Variants in PRDM6 observed in about 807,000 individuals in gnomAD.
The protein encoded by PRDM6 is PR/SET domain 6, also known as putative histone-lysine N-methyltransferase PRDM6.
Under a neutral mutation model 60.8 loss-of-function variants are expected in PRDM6, and 25 were observed. The observed-to-expected ratio is 0.41, with a 90% confidence interval of 0.30 to 0.57. PRDM6 has a LOEUF of 0.57. PRDM6 is among the 20% of genes least tolerant of loss of function. The pLI, the probability that PRDM6 is intolerant of heterozygous loss-of-function variation, is 0.27. For missense variants in PRDM6, 839 were observed against 821.3 expected (o/e 1.02, Z -0.26); for synonymous variants, 407 against 357.4 (o/e 1.14, Z -1.57).
At chr5:123,180,919 A>G (rs1457623769) in intron 7 of PRDM6, among the ~76,000 whole-genome samples, 1 of 152,224 alleles carries the variant, frequency 6.6e-6, no homozygotes, top group African/African-American at 2.4e-5. Context: ...CCCAGAGTAC[A>G]TTGACTTTTT....
chr5:123,096,984 G>A (rs1433805050), intron 2 of PRDM6, among the ~76,000 whole-genome samples: 1 of 152,020 alleles, frequency 6.6e-6, no homozygotes, highest in Non-Finnish European at 1.5e-5. Flanking sequence ...GGCTGCTAGG[G>A]AATGAAAACT....
In PRDM6 at chr5:123,090,239, T is replaced by G; in HGVS notation, c.225T>G (p.Ser75=). The part of the protein sequence containing the change: ...PPDSLRPRPA[S]LSSASSTPAS... ...ACAGCCTGCGCCCGCGGCCCGCCTC[T>G]CTCTCCTCCGCCTCGTCCACGCCGG... Residue 75 remains serine, a synonymous_variant, in exon 2 of 8, where the codon TCT becomes TCG. Transcript: ENST00000407847. The G allele has an allele frequency of 1.4e-6, 2 of 1,479,188 alleles. No individual in the cohort carries two copies. The highest frequency in any genetic ancestry group is 1.8e-6 in the Non-Finnish European group (2 of 1,114,928). The allele number at this position is 1,479,188 out of a possible 1,614,324, so 91.6% of individuals were successfully genotyped here.
At chr5:123,176,260 T>C (rs1275165866) in intron 6 of PRDM6, among the ~76,000 whole-genome samples, 1 of 133,832 alleles carries the variant, frequency 7.5e-6, no homozygotes, top group Admixed American at 7.9e-5. Context: ...CTACTAAAGA[T>C]CTCAAATGGT....
intron 3 of PRDM6, among the ~76,000 whole-genome samples, chr5:123,155,262 CTTTTTT>C (rs759225954): frequency 2.2e-5 from 2 of 92,738 alleles, no homozygotes; most frequent in African/African-American, 4.1e-5. Flanking sequence ...GAGGGTCTCT[CTTTTTT>C]TTTTTTTTTT....
At chr5:123,150,832 G>A (rs1765354387) in intron 3 of PRDM6, among the ~76,000 whole-genome samples, 1 of 152,124 alleles carries the variant, frequency 6.6e-6, no homozygotes, top group Admixed American at 6.5e-5. Flanking sequence ...GACCTTTTCT[G>A]GGCCCTTTCT....
Position 123,191,262 on chromosome 5 carries a change from T to G in PRDM6, c.*4061T>G, listed in dbSNP as rs1334758172. The G allele has an allele frequency of 2.0e-5, 3 of 152,168 alleles. No individual in the cohort carries two copies. Among genetic ancestry groups the G allele is most frequent in the Non-Finnish European group, 2.9e-5 (2 of 68,034 alleles). The allele number at this position is 152,168 out of a possible 1,614,324, so 9.4% of individuals were successfully genotyped here. ...AGTAACATTATTTGTTTTGCACTAA[T>G]TTAAAATTTAAAATGCAAGTATCTA... On this transcript the variant is annotated 3_prime_UTR_variant, in exon 8 of 8. Coordinates refer to ENST00000407847, the MANE Select transcript of PRDM6 (RefSeq NM_001136239.4).
At chr5:123,113,685 T>C (rs1367538158) in intron 3 of PRDM6, among the ~76,000 whole-genome samples, 1 of 152,168 alleles carries the variant, frequency 6.6e-6, no homozygotes, top group Non-Finnish European at 1.5e-5. Context: ...TCCCATTAAA[T>C]TACAGGGCCT....
intron 3 of PRDM6, among the ~76,000 whole-genome samples, chr5:123,111,512 C>T (rs1283931045): frequency 6.6e-6 from 1 of 152,142 alleles, no homozygotes; most frequent in Non-Finnish European, 1.5e-5. Context: ...TCCTAGCTAA[C>T]ACGGTGAAAC....
chr5:123,090,356 G>A lies in PRDM6; in HGVS notation c.342G>A (p.Ser114=). 3 of 1,472,676 alleles carry A rather than the reference G, an allele frequency of 2.0e-6. No homozygotes were observed. Among genetic ancestry groups the A allele is most frequent in the Admixed American group, 2.3e-5 (1 of 42,896 alleles). 91.2% of individuals were successfully genotyped at this position (1,472,676 alleles called of 1,614,324 possible). A position where few individuals can be genotyped will look rare whatever the true frequency, so the allele number is the denominator to read the frequency against. The change falls in exon 2 of 8, where the codon TCG becomes TCA. Residue 114 remains serine (S), a synonymous_variant. Coordinates refer to ENST00000407847, the MANE Select transcript of PRDM6 (RefSeq NM_001136239.4). ...CTGGTCTCTCGGCCCTGCCGGTGTC[G>A]CAGCTGCCGGTGTTCGCGCCTCTAG... The part of the protein sequence containing the change: ...ALAGLSALPV[S]QLPVFAPLAA...
chr5:123,166,441 A>ATGG (rs1765754215), intron 5 of PRDM6, among the ~76,000 whole-genome samples: 1 of 138,100 alleles, frequency 7.2e-6, no homozygotes, highest in Non-Finnish European at 1.6e-5. Context: ...TCTAAAATTT[A>ATGG]TGTTTTTGTT....
chr5:123,168,532 A>T (rs1481441409), intron 5 of PRDM6, among the ~76,000 whole-genome samples: 1 of 152,154 alleles, frequency 6.6e-6, no homozygotes. Flanking sequence ...AGAAGGTAGG[A>T]TTAGATCAGT....
In PRDM6 at chr5:123,090,122, G is replaced by C; in HGVS notation, c.108G>C (p.Lys36Asn). 2 of 1,540,180 alleles carry C rather than the reference G, an allele frequency of 1.3e-6. No individual in the cohort carries two copies. Among genetic ancestry groups the C allele is most frequent in the Non-Finnish European group, 1.7e-6 (2 of 1,142,862 alleles). Residue 36 changes from lysine to asparagine, a missense_variant, in exon 2 of 8, where the codon AAG becomes AAC. Around this residue, in one of 2 missense-constraint regions of PRDM6, gnomAD observed 730 missense variants for 648.8 expected, o/e 1.13. Transcript: ENST00000407847. ...CTCACGGAGGCGCAGGCCCGCTCAA[G>C]GGCAGCGGCGCCGCGGGTCTCCTGA... The part of the protein sequence containing the change: ...LFPHGGAGPL[K>N]GSGAAGLLSA...
At position 123,192,097 on chromosome 5, in the gene PRDM6, G is replaced by A. The variant is rs960685573; in HGVS notation, c.*4896G>A. On this transcript the variant is annotated 3_prime_UTR_variant, in exon 8 of 8. Coordinates refer to ENST00000407847, the MANE Select transcript of PRDM6 (RefSeq NM_001136239.4). ...CCACCACTGCACTTAGAAAACCTATGGAGGAAATTTTAATGGAAAAATAAG... is the reference window on the plus strand; with the variant it reads ...CCACCACTGCACTTAGAAAACCTATAGAGGAAATTTTAATGGAAAAATAAG... 16 of 152,148 alleles carry A rather than the reference G, an allele frequency of 1.1e-4. No individual in the cohort carries two copies. Among genetic ancestry groups the A allele is most frequent in the African/African-American group, 3.9e-4 (16 of 41,440 alleles). 9.4% of individuals were successfully genotyped at this position (152,148 alleles called of 1,614,324 possible).
At chr5:123,145,673 C>T (rs1237909858) in intron 3 of PRDM6, among the ~76,000 whole-genome samples, 1 of 152,156 alleles carries the variant, frequency 6.6e-6, no homozygotes, top group Non-Finnish European at 1.5e-5. Context: ...GAACTGAGTG[C>T]ATGCTCAGCA....
chr5:123,099,859 G>C lies in PRDM6; in HGVS notation c.798G>C (p.Gln266His). 6.4e-7 allele frequency: 1 copy of C among 1,550,600 alleles called. No individual in the cohort carries two copies. ...PGLAYGICAAQRIQQGTWIGP... is the reference protein window; with the variant it reads ...PGLAYGICAAHRIQQGTWIGP... ...TGGCCTACGGCATCTGCGCGGCGCA[G>C]AGGATCCAGCAAGGCACCTGGATTG... is the stretch of plus-strand genomic sequence containing the variant. Residue 266 changes from glutamine to histidine, a missense_variant, in exon 3 of 8, where the codon CAG (glutamine) becomes CAC (histidine). Physicochemically the swap from Gln to His is conservative, Grantham distance 24. Around this residue, in one of 2 missense-constraint regions of PRDM6, gnomAD observed 730 missense variants for 648.8 expected, o/e 1.13. Transcript: ENST00000407847. This position sits in a 1 kb window ranked among gnomAD's most constrained non-coding sequence, Gnocchi z 4.0.
chr5:123,100,751 T>C (rs1764083643), intron 3 of PRDM6, among the ~76,000 whole-genome samples: 1 of 152,188 alleles, frequency 6.6e-6, no homozygotes, highest in Admixed American at 6.5e-5. Context: ...AAATAACCTA[T>C]TTGAAAAATG....
Position 123,090,693 on chromosome 5 carries a change from A to G in PRDM6, c.592+87A>G. 6.0e-6 allele frequency: 2 copies of G among 333,010 alleles called. No individual in the cohort carries two copies. Among genetic ancestry groups the G allele is most frequent in the South Asian group, 2.3e-5 (1 of 43,298 alleles). The allele number at this position is 333,010 out of a possible 1,614,324, so 20.6% of individuals were successfully genotyped here. On this transcript the variant is annotated intron_variant, in intron 2 of 7. Transcript: ENST00000407847. Reference sequence around the variant, plus strand: ...GGTGCCTGTCAGGGAGGCGGGTCGGATAGGAGTGACACGGGGCCGGGTGGG... The same window carrying G: ...GGTGCCTGTCAGGGAGGCGGGTCGGGTAGGAGTGACACGGGGCCGGGTGGG...
Position 123,139,540 on chromosome 5 carries a change from A to G in PRDM6, c.901-16344A>G, listed in dbSNP as rs150776591. Among the ~76,000 whole-genome samples the G allele has an allele frequency of 2.1e-3, 324 of 152,166 alleles. 1 individual carries two copies. The highest frequency in any genetic ancestry group is 7.4e-3 in the African/African-American group (306 of 41,524). On this transcript the variant is annotated intron_variant, in intron 3 of 7. Transcript: ENST00000407847. ...TGTGTGTGTGTGTGTATTTTAGCAT[A>G]TGGATGGTGTGGTCCATAGATTCTT... is the stretch of plus-strand genomic sequence containing the variant.
chr5:123,170,710 G>A, intron 5 of PRDM6, 56 bp from the exon 6 acceptor site: 1 of 1,198,010 alleles, frequency 8.3e-7, no homozygotes, highest in Non-Finnish European at 1.2e-6. Context: ...ATGTGTTATT[G>A]TGCTTATTTT....
Sources: allele counts gnomAD v4.1 joint callset (sites outside exome capture counted in the v4.1 genomes callset), GRCh38; gene constraint gnomAD v4.1.1; regional missense constraint gnomAD v4.1.1; non-coding constraint Gnocchi (gnomAD v3.1); transcripts MANE v1.5; gene names NCBI Gene and HGNC (gene_info 2026-07-23, HGNC 2026-07-21).